Variants in RFX5 observed in about 807,000 individuals in gnomAD.
RFX5 encodes DNA-binding protein RFX5.
Under a neutral mutation model 41.2 loss-of-function variants are expected in RFX5, and 30 were observed. The observed-to-expected ratio is 0.73, with a 90% CI of 0.54 to 0.99. RFX5 has a LOEUF of 0.99. Among genes scored for constraint, RFX5 ranks in the 50% least tolerant of loss-of-function variants. The probability of loss-of-function intolerance (pLI) is 0.00; values close to 1 mark genes in which losing one functional copy is unlikely to be tolerated. For synonymous variants in RFX5, 231 were observed against 291.8 expected (o/e 0.79, Z 2.12); for missense variants, 715 against 773.6 (o/e 0.92, Z 0.90).
At chr1:151,344,676 G>A in intron 6 of RFX5, 52 bp downstream of exon 6, 1 of 1,553,720 alleles carries the variant, frequency 6.4e-7, no homozygotes, top group Non-Finnish European at 8.7e-7. Flanking sequence ...CATGGGTGAG[G>A]GGGTCCTATG....
In RFX5 at chr1:151,342,788, CCT is replaced by C. The variant is rs1428131492; in HGVS notation, c.1247_1248del (p.Glu416GlyfsTer6). The C allele has an allele frequency of 6.2e-7, 1 of 1,614,156 alleles. No homozygotes were observed. Among genetic ancestry groups the C allele is most frequent in the Non-Finnish European group, 8.5e-7 (1 of 1,179,996 alleles). On this transcript the variant is annotated frameshift_variant, in exon 11 of 11. Transcript: ENST00000452671. LOFTEE classifies it low-confidence loss of function (END_TRUNC). Reference protein sequence around the residue: ...LTQPRGTENREVGIGGDQGPH... With the variant: ...LTQPRGTENRXVGIGGDQGPH... ...GGTCCTTGGTCACCACCTATGCCTACCTCTCTGTTCTCTGTGCCCCGGGGCTG... is the reference window on the plus strand; with the variant it reads ...GGTCCTTGGTCACCACCTATGCCTACCTCTGTTCTCTGTGCCCCGGGGCTG...
Position 151,342,273 on chromosome 1 carries a change from T to C in RFX5, c.1764A>G (p.Ala588=). 2 of 1,614,188 alleles carry C rather than the reference T, an allele frequency of 1.2e-6. No individual in the cohort carries two copies. Among genetic ancestry groups the C allele is most frequent in the Non-Finnish European group, 8.5e-7 (1 of 1,180,036 alleles). The stretch of plus-strand genomic sequence containing the variant: ...CCTTTAAGTCTTTATTACCCTGTGG[T>C]GCAGTGTCTACCTCTCCCTTTGCCA... The part of the protein sequence containing the change: ...FPLAKGEVDT[A]PQGNKDLKEH... Residue 588 remains alanine (A), a synonymous_variant, in exon 11 of 11, where the codon GCA becomes GCG. Transcript: ENST00000452671.
Position 151,342,386 on chromosome 1 carries a change from T to G in RFX5, c.1651A>C (p.Thr551Pro), listed in dbSNP as rs1464766994. Residue 551 changes from threonine to proline, a missense_variant, in exon 11 of 11, where the codon ACC becomes CCC. By Grantham distance (38) the Thr-to-Pro change is conservative. Coordinates refer to ENST00000452671, the MANE Select transcript of RFX5 (RefSeq NM_001025603.2). ...GGAATTTTATCTTCTGCTTCTTTGGTATGCTGGGAACCGGGGCCCCTTCCT... is the reference window on the plus strand; with the variant it reads ...GGAATTTTATCTTCTGCTTCTTTGGGATGCTGGGAACCGGGGCCCCTTCCT... ...KGGRGPGSQHTKEAEDKIPLV... is the reference protein window; with the variant it reads ...KGGRGPGSQHPKEAEDKIPLV... The G allele has an allele frequency of 6.2e-7, 1 of 1,614,170 alleles. No individual in the cohort carries two copies. Among genetic ancestry groups the G allele is most frequent in the South Asian group, 1.1e-5 (1 of 91,084 alleles).
chr1:151,346,045 G>C (rs1651020160), intron 3 of RFX5, 84 bp from the exon 4 acceptor site: 1 of 1,606,684 alleles, frequency 6.2e-7, no homozygotes. Flanking sequence ...GAAAAGGACT[G>C]AAATGCCCAG....
chr1:151,342,724 A>G lies in RFX5; in HGVS notation c.1313T>C (p.Val438Ala). The stretch of plus-strand genomic sequence containing the variant: ...TGGAGCCTGCCCACTGGCCTCACTC[A>G]CAGGTACTTCAGCTGTCCTCTTGAC... The part of the protein sequence containing the change: ...KGVKRTAEVP[V>A]SEASGQAPPA... The change falls in exon 11 of 11, where the codon GTG becomes GCG. Residue 438 changes from valine to alanine, a missense_variant. By Grantham distance (64) the Val-to-Ala change is moderately conservative. Coordinates refer to ENST00000452671, the MANE Select transcript of RFX5 (RefSeq NM_001025603.2). 6.2e-7 allele frequency: 1 copy of G among 1,614,098 alleles called. No individual in the cohort carries two copies. The highest frequency in any genetic ancestry group is 1.3e-5 in the African/African-American group (1 of 75,002).
At chr1:151,344,959 T>C (rs1472978364) in intron 5 of RFX5, 112 bp from the exon 6 acceptor site, 3 of 1,598,676 alleles carry the variant, frequency 1.9e-6, no homozygotes, top group East Asian at 2.2e-5. Flanking sequence ...AGAATCTAAC[T>C]TTCCCTGGTA....
chr1:151,344,688 C>T lies in RFX5; in HGVS notation c.353+40G>A. On this transcript the variant is annotated intron_variant, in intron 6 of 10. Transcript: ENST00000452671. ...CTTCATGGGTGAGGGGGTCCTATGC[C>T]CACCAATCCACTCATCCCACCACCC... 5 of 1,551,124 alleles carry T rather than the reference C, an allele frequency of 3.2e-6. No homozygotes were observed. In the South Asian group the frequency reaches 4.7e-5, roughly 15 times the overall value.
Position 151,346,224 on chromosome 1 carries a change from T to G in RFX5, c.97A>C (p.Arg33=). The G allele has an allele frequency of 6.2e-7, 1 of 1,614,168 alleles. No homozygotes were observed. The highest frequency in any genetic ancestry group is 8.5e-7 in the Non-Finnish European group (1 of 1,180,016). The change falls in exon 3 of 11, where the codon AGG becomes CGG. Residue 33 remains arginine (R), a synonymous_variant. Transcript: ENST00000452671. ...EAGEPTTLLQ[R]LRGTISKAVQ... ...ACTTACGAAATGGTACCTCGGAGCC[T>G]CTGAAGAAGGGTGGTAGGTTCCCCA...
In RFX5 at chr1:151,345,117, A is replaced by C. The variant is rs145198853; in HGVS notation, c.222T>G (p.Thr74=). 259 of 1,613,950 alleles carry C rather than the reference A, an allele frequency of 1.6e-4. No homozygotes were observed. In the African/African-American group the frequency reaches 3.1e-3, roughly 19 times the overall value. ...ACTATCAAACCTACCTTTTGTCTCC[A>C]GTGGTGGGTCCTGAGGGGAGCTGAA... The part of the protein sequence containing the change: ...LYLQLPSGPT[T]GDKSSEPSTL... The change falls in exon 5 of 11, where the codon ACT becomes ACG. Residue 74 remains threonine, a synonymous_variant. Transcript: ENST00000452671.
rs1650764677 is a variant in RFX5, at chr1:151,344,010, T to C, written c.556-128A>G. On this transcript the variant is annotated intron_variant, in intron 8 of 10. Coordinates refer to ENST00000452671, the MANE Select transcript of RFX5 (RefSeq NM_001025603.2). ...TGGGGATGGGAGTAGCCTCTACCTA[T>C]CCCATTGCAGAAGCCCACAAGTTCT... is the stretch of plus-strand genomic sequence containing the variant. 7.0e-6 allele frequency: 8 copies of C among 1,150,326 alleles called. No individual in the cohort carries two copies. The Admixed American group carries it at 1.5e-4, about 21-fold the overall frequency. The allele number at this position is 1,150,326 out of a possible 1,614,324, so 71.3% of individuals were successfully genotyped here.
Position 151,342,785 on chromosome 1 carries a change from C to T in RFX5, c.1252G>A (p.Gly418Ser), listed in dbSNP as rs150702096. 40 of 1,614,062 alleles carry T rather than the reference C, an allele frequency of 2.5e-5. No individual in the cohort carries two copies. The highest frequency in any genetic ancestry group is 3.4e-5 in the Non-Finnish European group (40 of 1,180,010). Residue 418 changes from glycine (G) to serine (S), a missense_variant, in exon 11 of 11, where the codon GGC (glycine) becomes AGC (serine). Transcript: ENST00000452671. ...QPRGTENREV[G>S]IGGDQGPHDK... ...TGTGGTCCTTGGTCACCACCTATGC[C>T]TACCTCTCTGTTCTCTGTGCCCCGG...
At chr1:151,345,862 T>C in intron 4 of RFX5, 66 bp downstream of exon 4, 2 of 1,606,786 alleles carry the variant, frequency 1.2e-6, no homozygotes, top group South Asian at 1.1e-5. Flanking sequence ...TTGATGCCCA[T>C]CATCCTCACA....
intron 10 of RFX5, 46 bp from the exon 11 acceptor site, chr1:151,343,224 T>C (rs765234690): frequency 7.6e-5 from 123 of 1,610,720 alleles, no homozygotes; most frequent in East Asian, 1.6e-4. Context: ...AGAATGAGTA[T>C]TGGGGGAAAC....
Position 151,342,635 on chromosome 1 carries a change from G to T in RFX5, c.1402C>A (p.Arg468Ser). The change falls in exon 11 of 11, where the codon CGC becomes AGC. Residue 468 changes from arginine (R) to serine (S), a missense_variant. Physicochemically the swap from Arg to Ser is moderately radical, Grantham distance 110. Transcript: ENST00000452671. ...TASDAKRKRGRPRKKSGGSGE... is the reference protein window; with the variant it reads ...TASDAKRKRGSPRKKSGGSGE... Reference sequence around the variant, plus strand: ...CTTCCACCTGACTTTTTTCGAGGGCGCCCCCGTTTCCTTTTGGCATCACTT... The same window carrying T: ...CTTCCACCTGACTTTTTTCGAGGGCTCCCCCGTTTCCTTTTGGCATCACTT... 1 of 1,614,072 alleles carries T rather than the reference G, an allele frequency of 6.2e-7. No individual in the cohort carries two copies. Among genetic ancestry groups the T allele is most frequent in the Non-Finnish European group, 8.5e-7 (1 of 1,180,006 alleles).
intron 2 of RFX5, 61 bp from the exon 3 acceptor site, chr1:151,346,394 G>T: frequency 7.6e-7 from 1 of 1,311,418 alleles, no homozygotes; most frequent in Non-Finnish European, 1.1e-6. Flanking sequence ...TTCCCCAGAA[G>T]GCCCCAGGGC....
intron 2 of RFX5, 30 bp from the exon 3 acceptor site, chr1:151,346,363 G>GT (rs1202796534): frequency 1.3e-6 from 2 of 1,571,666 alleles, no homozygotes; most frequent in South Asian, 1.1e-5. Flanking sequence ...GCATAAAGAT[G>GT]TAACTCACAC....
chr1:151,343,172 T>C lies in RFX5; in HGVS notation c.865A>G (p.Lys289Glu). Residue 289 changes from lysine (K) to glutamate (E), a missense_variant, in exon 11 of 11, where the codon AAG becomes GAG. Lys to Glu is a moderately conservative substitution (Grantham distance 56). Coordinates refer to ENST00000452671, the MANE Select transcript of RFX5 (RefSeq NM_001025603.2). ...KKPERLAQPP[K>E]DLEARTGAGP... ...GCCCCAGTTCGGGCTTCCAGATCCTTAGGAGGCTAAAAAGTAAAGAGAGGA... is the reference window on the plus strand; with the variant it reads ...GCCCCAGTTCGGGCTTCCAGATCCTCAGGAGGCTAAAAAGTAAAGAGAGGA... 1 of 1,611,214 alleles carries C rather than the reference T, an allele frequency of 6.2e-7. No homozygotes were observed. Among genetic ancestry groups the C allele is most frequent in the East Asian group, 2.2e-5 (1 of 44,890 alleles).
At position 151,343,075 on chromosome 1, in the gene RFX5, T is replaced by C. The variant is rs781688064; in HGVS notation, c.962A>G (p.Gln321Arg). The C allele has an allele frequency of 1.9e-6, 3 of 1,613,518 alleles. No homozygotes were observed. The highest frequency in any genetic ancestry group is 2.5e-6 in the Non-Finnish European group (3 of 1,180,006). The change falls in exon 11 of 11, where the codon CAG (glutamine) becomes CGG (arginine). Residue 321 changes from glutamine (Q) to arginine (R), a missense_variant. Transcript: ENST00000452671. ...ESSAPGANNL[Q>R]VNALVARLPL... ...CAGCCGAGCCACTAGGGCATTAACC[T>C]GCAGGTTATTGGCTCCTGGGGCCGA...
chr1:151,346,034 G>A, intron 3 of RFX5, 73 bp from the exon 4 acceptor site: 4 of 1,610,324 alleles, frequency 2.5e-6, no homozygotes, highest in Non-Finnish European at 3.4e-6. Flanking sequence ...TGCTAGGGAG[G>A]GAAAAGGACT....
Sources: allele counts gnomAD v4.1 joint callset, GRCh38; gene constraint gnomAD v4.1.1; transcripts MANE v1.5; gene names NCBI Gene and HGNC (gene_info 2026-07-23, HGNC 2026-07-21).